The following OCA2 variants were observed in gnomAD, a reference collection of about 807,000 sequenced individuals.
OCA2 encodes P protein.
OCA2 carries 77 observed loss-of-function variants against 100.2 expected under a neutral mutation model. The ratio of observed to expected loss-of-function variants is 0.77; its 90% CI spans 0.64 to 0.93. The LOEUF (loss-of-function observed/expected upper bound fraction) is 0.93. Ranked by LOEUF, OCA2 falls within the 40% of genes least tolerant of loss-of-function variation. The pLI is 0.00. For synonymous variants in OCA2, 432 were observed against 439.2 expected, an observed-to-expected ratio of 0.98 and a Z score of 0.21; for missense variants, 1,062 against 1,089.1, an observed-to-expected ratio of 0.98 and a Z score of 0.35.
At chr15:28,056,003 G>A (rs1048700107) in intron 2 of OCA2, among the ~76,000 whole-genome samples, 1 of 152,100 alleles carries the variant, frequency 6.6e-6, no homozygotes, top group African/African-American at 2.4e-5. Flanking sequence ...AGACACAAGA[G>A]GGCAGAGACC....
rs1157360128 is a variant in OCA2 at position 27,955,192 on chromosome 15, T to A, written c.1808A>T (p.Asn603Ile). The A allele has an allele frequency of 6.2e-7, 1 of 1,612,122 alleles. No homozygotes were observed. The highest frequency in any genetic ancestry group is 8.5e-7 in the Non-Finnish European group (1 of 1,178,148). The change falls in exon 17 of 24, where the codon AAT becomes ATT. Residue 603 changes from asparagine (N) to isoleucine (I), a missense_variant. By Grantham distance (149) the Asn-to-Ile change is moderately radical. Coordinates refer to ENST00000354638, the MANE Select transcript of OCA2 (RefSeq NM_000275.3). Reference protein sequence around the residue: ...FHRQISQEDKNWETNIQELQK... With the variant: ...FHRQISQEDKIWETNIQELQK... ...GAGTTCTTGGATATTGGTCTCCCAA[T>A]TTTTGTCCTCCTGTGAGATCTGTCT...
intron 19 of OCA2, among the ~76,000 whole-genome samples, chr15:27,910,083 A>G (rs13329497): frequency 0.58 from 88,351 of 151,338 alleles, 26,933 homozygotes; most frequent in East Asian, 0.96. Flanking sequence ...GGATTCAAAA[A>G]TGGCCTTCAA....
At chr15:28,085,540 C>T (rs887390697) in intron 1 of OCA2, among the ~76,000 whole-genome samples, 3 of 152,224 alleles carry the variant, frequency 2.0e-5, no homozygotes, top group South Asian at 2.1e-4. Flanking sequence ...AAGAGCAAAA[C>T]GTCCCAGAAT....
At position 27,975,213 on chromosome 15, in the gene OCA2, T is replaced by C. The variant is rs140669082; in HGVS notation, c.1503+8132A>G. 2.2e-3 allele frequency among the ~76,000 whole-genome samples: 335 copies of C among 152,356 alleles called. 4 individuals are homozygous for C. Among genetic ancestry groups the C allele is most frequent in the African/African-American group, 7.8e-3 (324 of 41,580 alleles). On this transcript the variant is annotated intron_variant, in intron 14 of 23. Transcript: ENST00000354638. ...AAGAAATACACCATGCCTAGGATTT[T>C]ACATTAACACTAATGTGATGCTAGT...
chr15:27,794,955 T>A (rs978545439), intron 23 of OCA2, among the ~76,000 whole-genome samples: 1 of 152,184 alleles, frequency 6.6e-6, no homozygotes, highest in African/African-American at 2.4e-5. Context: ...ATTCTAGTAG[T>A]TCAGATGTCA....
At chr15:27,984,142 GA>G (rs1228624194) in intron 13 of OCA2, among the ~76,000 whole-genome samples, 1 of 151,674 alleles carries the variant, frequency 6.6e-6, no homozygotes, top group Non-Finnish European at 1.5e-5. Flanking sequence ...AGCTATCTTG[GA>G]GTGTACAATC....
At chr15:27,954,116 TACACACACACACACAC>T (rs200633980) in intron 17 of OCA2, among the ~76,000 whole-genome samples, 3 of 46,382 alleles carry the variant, frequency 6.5e-5, no homozygotes, top group Non-Finnish European at 1.1e-4. Flanking sequence ...TTCCATGGCA[TACACACACACACACAC>T]ACACACACAC....
At chr15:27,912,058 A>G (rs2038417838) in intron 19 of OCA2, among the ~76,000 whole-genome samples, 1 of 152,216 alleles carries the variant, frequency 6.6e-6, no homozygotes, top group Admixed American at 6.5e-5. Flanking sequence ...GTGAGTATAT[A>G]TTGTAGACAG....
Position 28,027,976 on chromosome 15 carries a change from C to A in OCA2, c.410G>T (p.Arg137Ile). ...WEDSSADWERRYLLSREVSGL... is the reference protein window; with the variant it reads ...WEDSSADWERIYLLSREVSGL... Reference sequence around the variant, plus strand: ...AGACACCTCCCTGCTTAGCAGGTATCTTCGCTCCCAGTCAGCAGAGCTGTC... The same window carrying A: ...AGACACCTCCCTGCTTAGCAGGTATATTCGCTCCCAGTCAGCAGAGCTGTC... The change falls in exon 4 of 24, where the codon AGA becomes ATA. Residue 137 changes from arginine to isoleucine, a missense_variant. Transcript: ENST00000354638. The A allele has an allele frequency of 6.2e-7, 1 of 1,614,234 alleles. No homozygotes were observed. The highest frequency in any genetic ancestry group is 8.5e-7 in the Non-Finnish European group (1 of 1,180,050).
At chr15:27,914,990 C>T in intron 19 of OCA2, among the ~76,000 whole-genome samples, 1 of 152,156 alleles carries the variant, frequency 6.6e-6, no homozygotes, top group East Asian at 1.9e-4. Context: ...TTAACCAAAA[C>T]ATCATGGTAG....
the OCA2 span, among the ~76,000 whole-genome samples, chr15:27,731,946 C>T: frequency 6.6e-6 from 1 of 152,214 alleles, no homozygotes; most frequent in Non-Finnish European, 1.5e-5. Context: ...GAGGCTTAAT[C>T]ACTTTTGGCT....
chr15:28,026,241 A>C (rs778186682), intron 4 of OCA2, among the ~76,000 whole-genome samples: 5 of 152,234 alleles, frequency 3.3e-5, no homozygotes, highest in African/African-American at 7.2e-5. Flanking sequence ...TGAATCATAG[A>C]AGATAAAACA....
At chr15:27,781,910 C>G (rs558364100) in intron 23 of OCA2, among the ~76,000 whole-genome samples, 1 of 152,252 alleles carries the variant, frequency 6.6e-6, no homozygotes, top group Non-Finnish European at 1.5e-5. Context: ...GTCAAGCGAT[C>G]TGCTGGAGTT....
the OCA2 span, among the ~76,000 whole-genome samples, chr15:27,745,567 T>G: frequency 6.6e-6 from 1 of 152,082 alleles, no homozygotes; most frequent in South Asian, 2.1e-4. Context: ...CAAGATGGAG[T>G]TGCTCTGGTT....
At chr15:27,914,830 A>G (rs1738818502) in intron 19 of OCA2, among the ~76,000 whole-genome samples, 1 of 152,204 alleles carries the variant, frequency 6.6e-6, no homozygotes, top group Non-Finnish European at 1.5e-5. Context: ...TCAAACACCA[A>G]TGATATTCTT....
At position 28,081,798 on chromosome 15, in the gene OCA2, C is replaced by G. The variant is rs2044638335; in HGVS notation, c.77G>C (p.Ser26Thr). ...AVELLQTSVP[S>T]GLAELVAGKR... ...GCCGGCCACAAGTTCAGCGAGTCCG[C>G]TGGGCACGGACGTCTGCAGGAGCTC... Residue 26 changes from serine to threonine, a missense_variant, in exon 2 of 24, where the codon AGC becomes ACC. Ser to Thr is a moderately conservative substitution (Grantham distance 58). Coordinates refer to ENST00000354638, the MANE Select transcript of OCA2 (RefSeq NM_000275.3). The G allele has an allele frequency of 8.1e-6, 13 of 1,612,790 alleles. No homozygotes were observed. The highest frequency in any genetic ancestry group is 1.0e-5 in the Non-Finnish European group (12 of 1,179,840).
chr15:27,986,931 T>C (rs1174822878), intron 11 of OCA2, among the ~76,000 whole-genome samples: 1 of 152,152 alleles, frequency 6.6e-6, no homozygotes, highest in Non-Finnish European at 1.5e-5. Context: ...AAATCAGGTG[T>C]TATTTTCACC....
chr15:28,082,330 T>C (rs1001775836), intron 1 of OCA2, among the ~76,000 whole-genome samples: 2 of 152,174 alleles, frequency 1.3e-5, no homozygotes, highest in South Asian at 2.1e-4. Flanking sequence ...TGTGGATACT[T>C]TCGATGTTTT....
At chr15:28,072,026 C>T (rs2044274860) in intron 2 of OCA2, among the ~76,000 whole-genome samples, 2 of 152,306 alleles carry the variant, frequency 1.3e-5, no homozygotes. Flanking sequence ...TGACAAAGGC[C>T]TAATATCCGG....
Sources: allele counts gnomAD v4.1 joint callset (sites outside exome capture counted in the v4.1 genomes callset), GRCh38; gene constraint gnomAD v4.1.1; transcripts MANE v1.5; gene names NCBI Gene and HGNC (gene_info 2026-07-23, HGNC 2026-07-21).